The following ADAM32 variants were observed in gnomAD, a reference collection of about 807,000 sequenced individuals.
The protein encoded by ADAM32 is ADAM metallopeptidase domain 32, also known as disintegrin and metalloproteinase domain-containing protein 32.
Under a neutral mutation model 114.9 loss-of-function variants are expected in ADAM32, and 89 were observed. That is an observed-to-expected ratio of 0.77 (90% confidence interval 0.65 to 0.92). The LOEUF is 0.92. Ranked by LOEUF, ADAM32 falls within the 40% of genes least tolerant of loss-of-function variation. The probability of loss-of-function intolerance (pLI) is 0.00; values close to 1 mark genes in which losing one functional copy is unlikely to be tolerated. For synonymous variants in ADAM32, 285 were observed against 307.5 expected, an observed-to-expected ratio of 0.93 and a Z score of 0.77; for missense variants, 870 against 932.8, an observed-to-expected ratio of 0.93 and a Z score of 0.88.
At chr8:39,204,876 G>A (rs1184608476) in intron 11 of ADAM32, among the ~76,000 whole-genome samples, 1 of 152,252 alleles carries the variant, frequency 6.6e-6, no homozygotes, top group South Asian at 2.1e-4. Context: ...GTCTGTTGGA[G>A]TTTGCTGGAG....
chr8:39,230,974 C>T (rs1047179489), intron 14 of ADAM32, among the ~76,000 whole-genome samples: 17 of 152,150 alleles, frequency 1.1e-4, no homozygotes, highest in Non-Finnish European at 2.2e-4. Flanking sequence ...CCTAAAGTGA[C>T]TCCCAAAATT....
At chr8:39,282,439 A>C (rs1014291790) in intron 23 of ADAM32, among the ~76,000 whole-genome samples, 1 of 152,190 alleles carries the variant, frequency 6.6e-6, no homozygotes, top group Non-Finnish European at 1.5e-5. Context: ...TTTTAAAAGT[A>C]ATAAATTCAA....
intron 16 of ADAM32, among the ~76,000 whole-genome samples, chr8:39,245,401 A>G (rs1810843020): frequency 6.6e-6 from 1 of 152,222 alleles, no homozygotes; most frequent in Non-Finnish European, 1.5e-5. Flanking sequence ...AATCACTACT[A>G]AAAATCTTAT....
chr8:39,161,100 A>C, intron 7 of ADAM32, 135 bp downstream of exon 7: 2 of 744,188 alleles, frequency 2.7e-6, no homozygotes, highest in Middle Eastern at 2.5e-4. Context: ...AAAAATGTGC[A>C]AACTGAGAAA....
chr8:39,234,030 C>A lies in ADAM32; in HGVS notation c.1766C>A (p.Thr589Lys), dbSNP rs1809934596. 1.3e-6 allele frequency: 2 copies of A among 1,534,500 alleles called. No homozygotes were observed. Among genetic ancestry groups the A allele is most frequent in the African/African-American group, 1.4e-5 (1 of 72,938 alleles). ...ACTGTAGACTACAAATTGCCTCGAACAGTTCCAGATCCACTGGCTGTCAAA... is the reference window on the plus strand; with the variant it reads ...ACTGTAGACTACAAATTGCCTCGAAAAGTTCCAGATCCACTGGCTGTCAAA... ...CITVDYKLPR[T>K]VPDPLAVKNG... The change falls in exon 16 of 25, where the codon ACA (threonine) becomes AAA (lysine). Residue 589 changes from threonine (T) to lysine (K), a missense_variant. Transcript: ENST00000379907.
intron 3 of ADAM32, 25 bp from the exon 4 acceptor site, chr8:39,147,105 A>C: frequency 1.1e-6 from 1 of 895,656 alleles, no homozygotes; most frequent in Non-Finnish European, 1.5e-6. Flanking sequence ...ATAATTAAAA[A>C]AATTTCCTCT....
At chr8:39,137,101 C>A (rs373505543) in intron 3 of ADAM32, among the ~76,000 whole-genome samples, 2 of 152,104 alleles carry the variant, frequency 1.3e-5, no homozygotes, top group African/African-American at 4.8e-5. Flanking sequence ...TTAATACAGA[C>A]CTTATAGTGT....
chr8:39,257,180 T>G lies in ADAM32; in HGVS notation c.2006-7T>G. 1 of 1,535,178 alleles carries G rather than the reference T, an allele frequency of 6.5e-7. No homozygotes were observed. Reference sequence around the variant, plus strand: ...TTGTTTTTTTTTTTTTGTATTTCTGTTTTTAGGTTCAATCATGGAAAGAGC... The same window carrying G: ...TTGTTTTTTTTTTTTTGTATTTCTGGTTTTAGGTTCAATCATGGAAAGAGC... On this transcript the variant is annotated splice_region_variant and splice_polypyrimidine_tract_variant and intron_variant, in intron 18 of 24. Transcript: ENST00000379907.
chr8:39,200,463 T>C (rs1334105854), intron 11 of ADAM32, among the ~76,000 whole-genome samples: 1 of 152,146 alleles, frequency 6.6e-6, no homozygotes, highest in Non-Finnish European at 1.5e-5. Context: ...CACTTTTTGA[T>C]GGGGTTGTTT....
chr8:39,116,893 T>C (rs1435634973), intron 1 of ADAM32, among the ~76,000 whole-genome samples: 1 of 151,934 alleles, frequency 6.6e-6, no homozygotes, highest in Non-Finnish European at 1.5e-5. Flanking sequence ...ATGGTTACTT[T>C]TTTTTTTTGA....
At chr8:39,151,675 C>CTTTTT (rs11381154) in intron 6 of ADAM32, 127 bp downstream of exon 6, 19 of 435,524 alleles carry the variant, frequency 4.4e-5, no homozygotes, top group Non-Finnish European at 5.5e-5. Context: ...AACATCTTAT[C>CTTTTT]TTTTTTTTTT....
chr8:39,269,804 G>A (rs1176215648), intron 19 of ADAM32, among the ~76,000 whole-genome samples: 1 of 152,190 alleles, frequency 6.6e-6, no homozygotes, highest in Non-Finnish European at 1.5e-5. Context: ...TGTTGTATTA[G>A]TCCATTTTCA....
chr8:39,121,925 G>C (rs1180818320), intron 2 of ADAM32, among the ~76,000 whole-genome samples: 1 of 152,182 alleles, frequency 6.6e-6, no homozygotes, highest in Non-Finnish European at 1.5e-5. Flanking sequence ...AGATCTAACG[G>C]AATTTGTCTT....
chr8:39,189,324 G>A (rs1000613181), intron 11 of ADAM32, among the ~76,000 whole-genome samples: 4 of 152,076 alleles, frequency 2.6e-5, no homozygotes, highest in African/African-American at 9.7e-5. Context: ...CCTTCATGTA[G>A]AAGACTTAAT....
chr8:39,156,929 T>A (rs928200530), intron 6 of ADAM32, among the ~76,000 whole-genome samples: 3 of 152,242 alleles, frequency 2.0e-5, no homozygotes, highest in African/African-American at 7.2e-5. Flanking sequence ...ATCTTTAACA[T>A]ATGAATTTTA....
In ADAM32 at chr8:39,182,758, T is replaced by C. The variant is rs150133009; in HGVS notation, c.916-4151T>C. On this transcript the variant is annotated intron_variant, in intron 10 of 24. Transcript: ENST00000379907. ...TGCAGGAGCTTTATTAGTTTCTTTC[T>C]GTGATGTCATATTTTCCTGATTTTT... Among the ~76,000 whole-genome samples, 198 of 152,350 alleles carry C rather than the reference T, an allele frequency of 1.3e-3. 1 individual carries two copies. In the East Asian group the frequency reaches 0.032, roughly 25 times the overall value.
intron 1 of ADAM32, among the ~76,000 whole-genome samples, chr8:39,108,560 A>G (rs1276818882): frequency 2.6e-5 from 4 of 152,232 alleles, no homozygotes; most frequent in African/African-American, 9.6e-5. Flanking sequence ...TTATCTCCAA[A>G]CAATGCAAAT....
intron 5 of ADAM32, among the ~76,000 whole-genome samples, chr8:39,150,287 T>C (rs1803745256): frequency 6.6e-6 from 1 of 152,028 alleles, no homozygotes; most frequent in African/African-American, 2.4e-5. Context: ...TATAAAAAAG[T>C]GAAATGGAGA....
At chr8:39,218,491 C>T (rs1374239904) in intron 12 of ADAM32, among the ~76,000 whole-genome samples, 6 of 152,300 alleles carry the variant, frequency 3.9e-5, no homozygotes, top group Non-Finnish European at 2.9e-5. Context: ...TGCAGAGATG[C>T]CATCCTGGAG....
Sources: gnomAD v4.1 joint callset for allele counts (sites outside exome capture counted in the v4.1 genomes callset) on GRCh38, gnomAD v4.1.1 for gene constraint, MANE v1.5 for transcripts, NCBI Gene and HGNC (gene_info 2026-07-23, HGNC 2026-07-21) for gene names.